Variants in NSD2 observed in about 807,000 individuals in gnomAD.
The protein encoded by NSD2 is nuclear receptor binding SET domain protein 2.
A neutral mutation model predicts 139.0 loss-of-function variants in NSD2; 12 were observed. The ratio of observed to expected loss-of-function variants is 0.09; its 90% CI spans 0.06 to 0.14. NSD2 has a LOEUF of 0.14. Among genes scored for constraint, NSD2 ranks in the 10% least tolerant of loss-of-function variants. The pLI, the probability that NSD2 is intolerant of heterozygous loss-of-function variation, is 1.00. For synonymous variants in NSD2, 669 were observed against 648.7 expected (o/e 1.03, Z -0.48); for missense variants, 1,155 against 1,745.0 (o/e 0.66, Z 6.02).
At chr4:1,970,190 G>T (rs1456619029) in intron 18 of NSD2, among the ~76,000 whole-genome samples, 1 of 152,200 alleles carries the variant, frequency 6.6e-6, no homozygotes, top group Non-Finnish European at 1.5e-5. Context: ...ATTACTGGAC[G>T]CAACCAAGAA....
Position 1,973,877 on chromosome 4 carries a change from C to G in NSD2, c.3373-986C>G, listed in dbSNP as rs1241205369. On this transcript the variant is annotated intron_variant, in intron 18 of 21. Coordinates refer to ENST00000508803, the MANE Select transcript of NSD2 (RefSeq NM_001042424.3). This position sits in a 1 kb window ranked among gnomAD's most constrained non-coding sequence, Gnocchi z 5.5. ...CGGTTGTGCGGTGGATCTGGCGGCT[C>G]CTCAGGTGGAGGCCGGGGCCGTCCA... 6.6e-6 allele frequency among the ~76,000 whole-genome samples: 1 copy of G among 152,220 alleles called. No homozygotes were observed. The highest frequency in any genetic ancestry group is 1.9e-4 in the East Asian group (1 of 5,186).
At chr4:1,878,274 T>A (rs1364980709) in intron 1 of NSD2, among the ~76,000 whole-genome samples, 10 of 126,874 alleles carry the variant, frequency 7.9e-5, no homozygotes, top group African/African-American at 3.1e-4. Flanking sequence ...TTTTTTTTTT[T>A]TTTTTTTTTT....
Position 1,981,630 on chromosome 4 carries a change from C to G in NSD2, c.*2721C>G, listed in dbSNP as rs543957340. 2 of 381,540 alleles carry G rather than the reference C, an allele frequency of 5.2e-6. No homozygotes were observed. The highest frequency in any genetic ancestry group is 4.1e-5 in the African/African-American group (2 of 48,382). 23.6% of individuals were successfully genotyped at this position (381,540 alleles called of 1,614,324 possible). A position where few individuals can be genotyped will look rare whatever the true frequency, so the allele number is the denominator to read the frequency against. ...CACCTGAAGTGAGAACCCAGCTGTC[C>G]GTCCTCAGGCCGGCCTTTCTTCCGG... On this transcript the variant is annotated 3_prime_UTR_variant, in exon 22 of 22. Coordinates refer to ENST00000508803, the MANE Select transcript of NSD2 (RefSeq NM_001042424.3).
chr4:1,875,839 G>T (rs1410757354), intron 1 of NSD2, among the ~76,000 whole-genome samples: 2 of 151,644 alleles, frequency 1.3e-5, no homozygotes, highest in Admixed American at 6.6e-5. Flanking sequence ...AACCCAGGAG[G>T]CGGAGCTTGC....
intron 5 of NSD2, among the ~76,000 whole-genome samples, chr4:1,930,348 G>GTA (rs1329818734): frequency 2.0e-5 from 3 of 152,132 alleles, no homozygotes; most frequent in African/African-American, 7.2e-5. Context: ...TTTTGGAAAA[G>GTA]TATATATATA....
chr4:1,930,043 G>C (rs529017211), intron 5 of NSD2, among the ~76,000 whole-genome samples: 1 of 152,274 alleles, frequency 6.6e-6, no homozygotes, highest in Admixed American at 6.5e-5. Flanking sequence ...AGCATGCTCC[G>C]GGTGCTGATG....
At position 1,956,785 on chromosome 4, in the gene NSD2, G is replaced by A. The variant is rs572018365; in HGVS notation, c.2881+597G>A. ...TAGAGAAAACCCGAGGTGTGTGCAT[G>A]TGGCTCGTTCAGGGAGAAGCACACG... On this transcript the variant is annotated intron_variant, in intron 15 of 21. Coordinates refer to ENST00000508803, the MANE Select transcript of NSD2 (RefSeq NM_001042424.3). This position sits in a 1 kb window ranked among gnomAD's most constrained non-coding sequence, Gnocchi z 5.3. 2.0e-5 allele frequency among the ~76,000 whole-genome samples: 3 copies of A among 152,366 alleles called. No individual in the cohort carries two copies. Among genetic ancestry groups the A allele is most frequent in the African/African-American group, 7.2e-5 (3 of 41,588 alleles).
chr4:1,965,051 CAAAAAAAAAA>C (rs555374240), intron 18 of NSD2, among the ~76,000 whole-genome samples: 1,598 of 47,240 alleles, frequency 0.034, 44 homozygotes, highest in African/African-American at 0.11. Flanking sequence ...CAGTGTTCAG[CAAAAAAAAAA>C]AAAAAAAAAA....
rs368799821 is a variant in NSD2, at chr4:1,978,839, C to T, written c.4028C>T (p.Pro1343Leu). ...AGCACCAAGACTGAGAAGCCCCCCCCAGAGCCAGGGAAGCCGAAGGGGAAG... is the reference window on the plus strand; with the variant it reads ...AGCACCAAGACTGAGAAGCCCCCCCTAGAGCCAGGGAAGCCGAAGGGGAAG... ...VRSTKTEKPP[P>L]EPGKPKGKRR... Residue 1343 changes from proline (P) to leucine (L), a missense_variant, in exon 22 of 22, where the codon CCA (proline) becomes CTA (leucine). Transcript: ENST00000508803. 3 of 1,603,430 alleles carry T rather than the reference C, an allele frequency of 1.9e-6. No individual in the cohort carries two copies. The highest frequency in any genetic ancestry group is 1.3e-5 in the African/African-American group (1 of 74,776).
At chr4:1,902,670 C>G (rs1486017113) in intron 2 of NSD2, among the ~76,000 whole-genome samples, 2 of 152,140 alleles carry the variant, frequency 1.3e-5, no homozygotes, top group African/African-American at 4.8e-5. Flanking sequence ...AACTCCTGAC[C>G]TCAAACGATG....
chr4:1,894,245 C>A (rs1244002397), intron 1 of NSD2, among the ~76,000 whole-genome samples: 1 of 152,168 alleles, frequency 6.6e-6, no homozygotes, highest in African/African-American at 2.4e-5. Context: ...GTGTGAGCCA[C>A]CACGCCTGGT....
At chr4:1,894,300 T>C (rs2108716948) in intron 1 of NSD2, among the ~76,000 whole-genome samples, 1 of 152,210 alleles carries the variant, frequency 6.6e-6, no homozygotes, top group East Asian at 1.9e-4. Context: ...TTCAATACAA[T>C]GTATCTAGAT....
At chr4:1,878,517 G>C (rs541288273) in intron 1 of NSD2, among the ~76,000 whole-genome samples, 3 of 151,968 alleles carry the variant, frequency 2.0e-5, no homozygotes, top group South Asian at 4.1e-4. Flanking sequence ...GGCTGCATTG[G>C]GTCATCTGTG....
In NSD2 at chr4:1,955,336, C is replaced by T. The variant is rs1269310212; in HGVS notation, c.2514C>T (p.Ser838=). ...ACGTGAGCTGGTGCTTCGTGTGCTC[C>T]AAAGGTGAGGGGCCTGGGGGTGTCT... is the stretch of plus-strand genomic sequence containing the variant. ...HVNVSWCFVC[S]KGGSLLCCES... The change falls in exon 13 of 22, where the codon TCC becomes TCT. Residue 838 remains serine, a synonymous_variant. Coordinates refer to ENST00000508803, the MANE Select transcript of NSD2 (RefSeq NM_001042424.3). The surrounding 1 kb of genome is among the most constrained non-coding windows in gnomAD (Gnocchi z 4.7). 3 of 1,611,502 alleles carry T rather than the reference C, an allele frequency of 1.9e-6. No homozygotes were observed. The highest frequency in any genetic ancestry group is 1.1e-5 in the South Asian group (1 of 91,004).
At chr4:1,918,918 C>T (rs538736670) in intron 5 of NSD2, 7 of 258,368 alleles carry the variant, frequency 2.7e-5, no homozygotes, top group Admixed American at 9.9e-5. Flanking sequence ...GAGGCCAAGG[C>T]GGGAGGATTG....
chr4:1,962,458 G>C (rs1388492508), intron 18 of NSD2, among the ~76,000 whole-genome samples: 1 of 152,202 alleles, frequency 6.6e-6, no homozygotes, highest in Non-Finnish European at 1.5e-5. Context: ...CTGCGCAAGA[G>C]AATGACTTGT....
intron 18 of NSD2, among the ~76,000 whole-genome samples, 176 bp downstream of exon 18, chr4:1,961,327 A>G (rs977108868): frequency 6.6e-6 from 1 of 152,080 alleles, no homozygotes; most frequent in African/African-American, 2.4e-5. Flanking sequence ...GCTGCGCCGG[A>G]GGGCTAGAGC....
At chr4:1,874,329 G>C (rs1293334808) in intron 1 of NSD2, among the ~76,000 whole-genome samples, 2 of 152,160 alleles carry the variant, frequency 1.3e-5, no homozygotes, top group African/African-American at 2.4e-5. Context: ...TGTGTGGGCT[G>C]TTCTTGGGTG....
At chr4:1,925,206 A>T (rs528928780) in intron 5 of NSD2, among the ~76,000 whole-genome samples, 5 of 152,188 alleles carry the variant, frequency 3.3e-5, no homozygotes, top group African/African-American at 1.2e-4. Context: ...GTGCTGGTGC[A>T]CACAAGGATG....
Sources: gnomAD v4.1 joint callset for allele counts (sites outside exome capture counted in the v4.1 genomes callset) on GRCh38, gnomAD v4.1.1 for gene constraint, Gnocchi (gnomAD v3.1) non-coding constraint, MANE v1.5 for transcripts, NCBI Gene and HGNC (gene_info 2026-07-23, HGNC 2026-07-21) for gene names.